Variants in PARP2 observed in about 807,000 individuals in gnomAD.
PARP2 encodes poly(ADP-ribose) polymerase 2.
Under a neutral mutation model 77.8 loss-of-function variants are expected in PARP2, and 57 were observed. The ratio of observed to expected loss-of-function variants is 0.73; its 90% CI spans 0.59 to 0.91. The LOEUF is 0.91. PARP2 is among the 40% of genes least tolerant of loss of function. The pLI is 0.00. For missense variants in PARP2, 651 were observed against 689.0 expected (o/e 0.94, Z 0.62); for synonymous variants, 226 against 242.6 (o/e 0.93, Z 0.64).
At chr14:20,347,350 GTGTGTGTATATATATA>G (rs1198415048) in intron 4 of PARP2, among the ~76,000 whole-genome samples, 4 of 48,986 alleles carry the variant, frequency 8.2e-5, no homozygotes, top group African/African-American at 5.5e-4. Context: ...CTTCATATGT[GTGTGTGTATATATATA>G]TATATATATA....
At chr14:20,357,315 A>G in intron 14 of PARP2, 81 bp from the exon 15 acceptor site, 5 of 1,496,128 alleles carry the variant, frequency 3.3e-6, no homozygotes, top group Non-Finnish European at 4.6e-6. Flanking sequence ...GGAAAAAAGT[A>G]CTGATGGGAT....
chr14:20,354,354 A>G (rs1884066934), intron 8 of PARP2, 107 bp downstream of exon 8: 3 of 946,256 alleles, frequency 3.2e-6, no homozygotes, highest in Admixed American at 4.9e-5. Flanking sequence ...TACTGAATGA[A>G]GAAAATGGGA....
chr14:20,346,130 G>A (rs772007336), intron 3 of PARP2, among the ~76,000 whole-genome samples: 3 of 151,934 alleles, frequency 2.0e-5, no homozygotes, highest in African/African-American at 2.4e-5. Context: ...TATCACATGC[G>A]TACCTTTTGT....
At chr14:20,347,325 G>A (rs561739043) in intron 4 of PARP2, among the ~76,000 whole-genome samples, 18 of 108,284 alleles carry the variant, frequency 1.7e-4, no homozygotes, top group South Asian at 1.6e-3. Context: ...AAGCCACCAC[G>A]CCTTGCCTAA....
intron 1 of PARP2, 31 bp downstream of exon 1, chr14:20,343,718 C>T (rs753824251): frequency 3.1e-6 from 5 of 1,603,628 alleles, no homozygotes; most frequent in Admixed American, 1.7e-5. Context: ...GGACGGCATG[C>T]GGGGGGCGGG....
chr14:20,345,181 C>T, intron 2 of PARP2, 94 bp downstream of exon 2: 1 of 1,387,592 alleles, frequency 7.2e-7, no homozygotes, highest in South Asian at 1.2e-5. Context: ...TTTCGTCCTT[C>T]TTTCAGGGAA....
At chr14:20,343,710 A>T (rs767367529) in intron 1 of PARP2, 23 bp downstream of exon 1, 7 of 1,607,746 alleles carry the variant, frequency 4.4e-6, no homozygotes, top group East Asian at 2.2e-5. Flanking sequence ...ATATCGCGGG[A>T]CGGCATGCGG....
chr14:20,349,599 A>G (rs561127585), intron 4 of PARP2, among the ~76,000 whole-genome samples: 1 of 151,920 alleles, frequency 6.6e-6, no homozygotes, highest in Admixed American at 6.6e-5. Flanking sequence ...GCTTGAACCT[A>G]GGACACAGAG....
At chr14:20,356,249 C>G in intron 11 of PARP2, 58 bp from the exon 12 acceptor site, 1 of 1,579,962 alleles carries the variant, frequency 6.3e-7, no homozygotes, top group Non-Finnish European at 8.6e-7. Context: ...CCAAATTCTT[C>G]AGTTCAGCTC....
At chr14:20,356,171 A>G in intron 11 of PARP2, 136 bp from the exon 12 acceptor site, 1 of 1,411,120 alleles carries the variant, frequency 7.1e-7, no homozygotes, top group Non-Finnish European at 9.7e-7. Flanking sequence ...TGGGAAGGCC[A>G]AGCTTTTCCT....
intron 7 of PARP2, chr14:20,353,123 A>G (rs539546502): frequency 1.3e-5 from 2 of 151,414 alleles, no homozygotes; most frequent in Admixed American, 6.6e-5. Flanking sequence ...TGGGTGATCT[A>G]CCCGCCTCAG....
intron 7 of PARP2, 53 bp from the exon 8 acceptor site, chr14:20,354,032 A>G (rs754000125): frequency 7.1e-7 from 1 of 1,404,562 alleles, no homozygotes; most frequent in Non-Finnish European, 1.0e-6. Flanking sequence ...GTTATAAGGA[A>G]TCTAGAGATG....
chr14:20,343,668 C>A lies in PARP2; in HGVS notation c.27C>A (p.Thr9=), dbSNP rs749403962. Residue 9 remains threonine (T), a synonymous_variant, in exon 1 of 16, where the codon ACC becomes ACA. Transcript: ENST00000429687. ...TGGCGGCGCGGCGGCGACGGAGCAC[C>A]GGCGGCGGCAGGGCGAGAGGTTCGG... is the stretch of plus-strand genomic sequence containing the variant. The part of the protein sequence containing the change: MAARRRRS[T]GGGRARALNE... 6 of 1,610,310 alleles carry A rather than the reference C, an allele frequency of 3.7e-6. No homozygotes were observed. In the African/African-American group the frequency reaches 8.0e-5, roughly 21 times the overall value.
At position 20,355,923 on chromosome 14, in the gene PARP2, T is replaced by C. The variant is rs1290425672; in HGVS notation, c.993T>C (p.Ile331=). The C allele has an allele frequency of 3.7e-6, 6 of 1,614,052 alleles. No individual in the cohort carries two copies. The highest frequency in any genetic ancestry group is 1.3e-5 in the African/African-American group (1 of 74,918). ...LEALGDIEIA[I]KLVKTELQSP... is the part of the protein sequence containing the mutation. ...CTTTGGGAGACATTGAAATTGCTAT[T>C]AAGCTGGTGAAAACAGAGCTACAAA... Residue 331 remains isoleucine, a synonymous_variant, in exon 11 of 16, where the codon ATT becomes ATC. Transcript: ENST00000429687.
intron 9 of PARP2, 58 bp from the exon 10 acceptor site, chr14:20,355,693 TC>T: frequency 7.6e-7 from 1 of 1,322,574 alleles, no homozygotes; most frequent in South Asian, 1.2e-5. Flanking sequence ...CTATTTTTAG[TC>T]ATGCGCCTTT....
rs370051146 is a variant in PARP2, at chr14:20,356,616, T to C, written c.1256T>C (p.Met419Thr). ...NRMLLWHGSR[M>T]SNWVGILSHG... ...ATGCTTCTATGGCATGGTTCCAGGA[T>C]GAGTAACTGGGTGGGAATCTTGAGC... The change falls in exon 13 of 16, where the codon ATG becomes ACG. Residue 419 changes from methionine to threonine, a missense_variant. Physicochemically the swap from Met to Thr is moderately conservative, Grantham distance 81. Coordinates refer to ENST00000429687, the MANE Select transcript of PARP2 (RefSeq NM_001042618.2). 1 of 1,614,086 alleles carries C rather than the reference T, an allele frequency of 6.2e-7. No individual in the cohort carries two copies. Among genetic ancestry groups the C allele is most frequent in the African/African-American group, 1.3e-5 (1 of 75,042 alleles).
At position 20,356,000 on chromosome 14, in the gene PARP2, G is replaced by GT. The variant is rs750147320; in HGVS notation, c.1070_1071insT (p.Leu359ProfsTer2). On this transcript the variant is annotated frameshift_variant, in exon 11 of 16. Transcript: ENST00000429687. LOFTEE classifies it high-confidence loss of function. Reference sequence around the variant, plus strand: ...TATAGAAACCTACATTGTGCCTTGCGCCCCCTTGACCATGAAAGTTATGAG... The same window carrying GT: ...TATAGAAACCTACATTGTGCCTTGCGTCCCCCTTGACCATGAAAGTTATGAG... The GT allele has an allele frequency of 5.1e-5, 82 of 1,613,744 alleles. No individual in the cohort carries two copies. Among genetic ancestry groups the GT allele is most frequent in the Non-Finnish European group, 6.5e-5 (77 of 1,179,876 alleles).
At position 20,357,406 on chromosome 14, in the gene PARP2, G is replaced by A; in HGVS notation, c.1439G>A (p.Gly480Asp). The change falls in exon 15 of 16, where the codon GGT becomes GAT. Residue 480 changes from glycine to aspartate, a missense_variant. Transcript: ENST00000429687. ...GLLLLSEVALGQCNELLEANP... is the reference protein window; with the variant it reads ...GLLLLSEVALDQCNELLEANP... ...TTTTTTGCTTTGCAGGTAGCTCTAGGTCAGTGTAATGAACTACTAGAGGCC... is the reference window on the plus strand; with the variant it reads ...TTTTTTGCTTTGCAGGTAGCTCTAGATCAGTGTAATGAACTACTAGAGGCC... The A allele has an allele frequency of 6.2e-7, 1 of 1,609,480 alleles. No individual in the cohort carries two copies.
rs369136441 is a variant in PARP2 at position 20,357,715 on chromosome 14, A to G, written c.1631A>G (p.Asn544Ser). ...LNPDGYTLNY[N>S]EYIVYNPNQV... ...CCAGATGGTTATACCCTCAACTACA[A>G]TGAATATATTGTATATAACCCCAAC... Residue 544 changes from asparagine to serine, a missense_variant, in exon 16 of 16, where the codon AAT (asparagine) becomes AGT (serine). By Grantham distance (46) the Asn-to-Ser change is conservative (BLOSUM62 1). Coordinates refer to ENST00000429687, the MANE Select transcript of PARP2 (RefSeq NM_001042618.2). 196 of 1,613,814 alleles carry G rather than the reference A, an allele frequency of 1.2e-4. No individual in the cohort carries two copies. Among genetic ancestry groups the G allele is most frequent in the Non-Finnish European group, 1.5e-4 (182 of 1,179,808 alleles).
Sources: allele counts gnomAD v4.1 joint callset (sites outside exome capture counted in the v4.1 genomes callset), GRCh38; gene constraint gnomAD v4.1.1; transcripts MANE v1.5; gene names NCBI Gene and HGNC (gene_info 2026-07-23, HGNC 2026-07-21).